Variants in OR5H15 observed in about 807,000 individuals in gnomAD.
OR5H15 encodes the protein olfactory receptor 5H15.
For missense variants in OR5H15, 405 were observed against 366.1 expected, an observed-to-expected ratio of 1.11 and a Z score of -0.87; for synonymous variants, 153 against 129.1, an observed-to-expected ratio of 1.19 and a Z score of -1.26.
Position 98,169,473 on chromosome 3 carries a change from G to T in OR5H15, c.774G>T (p.Met258Ile), listed in dbSNP as rs139826640. 1.2e-6 allele frequency: 2 copies of T among 1,612,840 alleles called. No individual in the cohort carries two copies. Among genetic ancestry groups the T allele is most frequent in the Non-Finnish European group, 8.5e-7 (1 of 1,179,686 alleles). ...VCLYYGPLLLMYVGPASPQAD... is the reference protein window; with the variant it reads ...VCLYYGPLLLIYVGPASPQAD... ...TATACTATGGCCCCCTTCTCTTAAT[G>T]TATGTGGGCCCTGCATCTCCGCAAG... is the stretch of plus-strand genomic sequence containing the variant. Residue 258 changes from methionine (M) to isoleucine (I), a missense_variant, in exon 2 of 2, where the codon ATG becomes ATT. Physicochemically the swap from Met to Ile is conservative, Grantham distance 10. Transcript: ENST00000641450.
chr3:98,169,706 C>G lies in OR5H15; in HGVS notation c.*65C>G. The G allele has an allele frequency of 3.3e-6, 4 of 1,215,374 alleles. No individual in the cohort carries two copies. The Middle Eastern group carries it at 7.5e-4, about 229-fold the overall frequency. The allele number at this position is 1,215,374 out of a possible 1,614,324, so 75.3% of individuals were successfully genotyped here. On this transcript the variant is annotated 3_prime_UTR_variant, in exon 2 of 2. Coordinates refer to ENST00000641450, the MANE Select transcript of OR5H15 (RefSeq NM_001005515.2). The stretch of plus-strand genomic sequence containing the variant: ...CAAGTTAGAGGTACCTATGTTGTTT[C>G]CAGTGTTCAAACATTTTTGCAAGTA...
In OR5H15 at chr3:98,169,451, A is replaced by T; in HGVS notation, c.752A>T (p.Tyr251Phe). 1.9e-6 allele frequency: 3 copies of T among 1,613,520 alleles called. No individual in the cohort carries two copies. Among genetic ancestry groups the T allele is most frequent in the Non-Finnish European group, 2.5e-6 (3 of 1,179,726 alleles). Residue 251 changes from tyrosine to phenylalanine, a missense_variant, in exon 2 of 2, where the codon TAC (tyrosine) becomes TTC (phenylalanine). By Grantham distance (22) the Tyr-to-Phe change is conservative. Transcript: ENST00000641450. Reference protein sequence around the residue: ...CGAHLFSVCLYYGPLLLMYVG... With the variant: ...CGAHLFSVCLFYGPLLLMYVG... The stretch of plus-strand genomic sequence containing the variant: ...GCCCATCTCTTCTCTGTCTGTTTAT[A>T]CTATGGCCCCCTTCTCTTAATGTAT...
At position 98,168,669 on chromosome 3, in the gene OR5H15, C is replaced by T; in HGVS notation, c.-18-13C>T. On this transcript the variant is annotated splice_polypyrimidine_tract_variant and intron_variant, in intron 1 of 1. Coordinates refer to ENST00000641450, the MANE Select transcript of OR5H15 (RefSeq NM_001005515.2). ...TGCAAATCTTCCCTTTCATTTGTTGCATTTTATTTTAGAGGACATGCAGTG... is the reference window on the plus strand; with the variant it reads ...TGCAAATCTTCCCTTTCATTTGTTGTATTTTATTTTAGAGGACATGCAGTG... The T allele has an allele frequency of 1.9e-6, 3 of 1,596,792 alleles. No homozygotes were observed. The East Asian group carries it at 6.7e-5, about 36-fold the overall frequency.
In OR5H15 at chr3:98,168,941, T is replaced by C; in HGVS notation, c.242T>C (p.Met81Thr). Residue 81 changes from methionine (M) to threonine (T), a missense_variant, in exon 2 of 2, where the codon ATG becomes ACG. Transcript: ENST00000641450. ...AWISSTVTPK[M>T]LNNFLAKSKM... ...ATATCATCCACAGTGACCCCAAAGA[T>C]GCTGAATAACTTCTTAGCTAAGAGT... 1 of 1,613,602 alleles carries C rather than the reference T, an allele frequency of 6.2e-7. No individual in the cohort carries two copies. The highest frequency in any genetic ancestry group is 8.5e-7 in the Non-Finnish European group (1 of 1,179,618).
chr3:98,169,109 C>T lies in OR5H15; in HGVS notation c.410C>T (p.Thr137Ile), dbSNP rs1317999153. The change falls in exon 2 of 2, where the codon ACC (threonine) becomes ATC (isoleucine). Residue 137 changes from threonine to isoleucine, a missense_variant. By Grantham distance (89) the Thr-to-Ile change is moderately conservative (BLOSUM62 -1). Coordinates refer to ENST00000641450, the MANE Select transcript of OR5H15 (RefSeq NM_001005515.2). ...CKPLLYPAIM[T>I]NGLCIRLLIL... Reference sequence around the variant, plus strand: ...CCTTTACTTTATCCAGCCATTATGACCAATGGACTGTGCATCCGGCTATTA... The same window carrying T: ...CCTTTACTTTATCCAGCCATTATGATCAATGGACTGTGCATCCGGCTATTA... 31 of 1,613,462 alleles carry T rather than the reference C, an allele frequency of 1.9e-5. No individual in the cohort carries two copies. The highest frequency in any genetic ancestry group is 1.6e-4 in the Middle Eastern group (1 of 6,078).
chr3:98,169,607 A>G lies in OR5H15; in HGVS notation c.908A>G (p.Lys303Arg). 1 of 1,601,510 alleles carries G rather than the reference A, an allele frequency of 6.2e-7. No individual in the cohort carries two copies. The highest frequency in any genetic ancestry group is 8.5e-7 in the Non-Finnish European group (1 of 1,171,298). ...RNKQVIVSFI[K>R]MLKRNVKVSY is the part of the protein sequence containing the mutation. The stretch of plus-strand genomic sequence containing the variant: ...AAGCAAGTCATAGTTTCATTCATAA[A>G]AATGTTAAAAAGAAATGTTAAGGTT... Residue 303 changes from lysine (K) to arginine (R), a missense_variant, in exon 2 of 2, where the codon AAA (lysine) becomes AGA (arginine). Lys to Arg is a conservative substitution (Grantham distance 26, BLOSUM62 2). Transcript: ENST00000641450.
intron 1 of OR5H15, among the ~76,000 whole-genome samples, chr3:98,167,466 CAAG>C (rs1708736417): frequency 1.3e-5 from 2 of 151,396 alleles, no homozygotes; most frequent in Non-Finnish European, 2.9e-5. Context: ...ACTCTAGAGG[CAAG>C]AAGAATGGGA....
At position 98,168,435 on chromosome 3, in the gene OR5H15, T is replaced by C. The variant is rs1330011085; in HGVS notation, c.-18-247T>C. Among the ~76,000 whole-genome samples the C allele has an allele frequency of 2.0e-5, 3 of 152,212 alleles. No homozygotes were observed. The East Asian group carries it at 5.8e-4, about 29-fold the overall frequency. ...TCTACTGCACTCAATAGTGTCCATA[T>C]AAATGTAGTGTATACAGAGAATGCC... On this transcript the variant is annotated intron_variant, in intron 1 of 1. Coordinates refer to ENST00000641450, the MANE Select transcript of OR5H15 (RefSeq NM_001005515.2).
At chr3:98,167,608 TTAATA>T (rs985068160) in intron 1 of OR5H15, among the ~76,000 whole-genome samples, 1 of 152,100 alleles carries the variant, frequency 6.6e-6, no homozygotes, top group African/African-American at 2.4e-5. Flanking sequence ...TGTTAGCTCT[TTAATA>T]TAACCTGCTC....
Position 98,168,923 on chromosome 3 carries a change from C to T in OR5H15, c.224C>T (p.Ser75Phe), listed in dbSNP as rs571656248. Residue 75 changes from serine to phenylalanine, a missense_variant, in exon 2 of 2, where the codon TCC (serine) becomes TTC (phenylalanine). Ser to Phe is a radical substitution (Grantham distance 155). Transcript: ENST00000641450. Reference protein sequence around the residue: ...NLAFVDAWISSTVTPKMLNNF... With the variant: ...NLAFVDAWISFTVTPKMLNNF... ...GCTTTTGTGGATGCTTGGATATCAT[C>T]CACAGTGACCCCAAAGATGCTGAAT... The T allele has an allele frequency of 1.2e-6, 2 of 1,613,376 alleles. No individual in the cohort carries two copies. The highest frequency in any genetic ancestry group is 1.3e-5 in the African/African-American group (1 of 74,982).
At position 98,168,778 on chromosome 3, in the gene OR5H15, C is replaced by A. The variant is rs749354092; in HGVS notation, c.79C>A (p.Leu27Met). 1.9e-6 allele frequency: 3 copies of A among 1,613,518 alleles called. No individual in the cohort carries two copies. The highest frequency in any genetic ancestry group is 2.2e-5 in the South Asian group (2 of 91,072). ...ATATCAACCACAGTGGAAAATACCC[C>A]TGTTCTTGGCATTCTTGGTAATATA... is the stretch of plus-strand genomic sequence containing the variant. ...FLYQPQWKIP[L>M]FLAFLVIYLI... Residue 27 changes from leucine (L) to methionine (M), a missense_variant, in exon 2 of 2, where the codon CTG (leucine) becomes ATG (methionine). Transcript: ENST00000641450.
Position 98,169,211 on chromosome 3 carries a change from C to G in OR5H15, c.512C>G (p.Ser171Cys), listed in dbSNP as rs1327887508. The change falls in exon 2 of 2, where the codon TCC (serine) becomes TGC (cysteine). Residue 171 changes from serine (S) to cysteine (C), a missense_variant. Transcript: ENST00000641450. ...TTATTCAGACTAACCTTCTGTAACTCCAACATAGTACATCACATTTACTGT... is the reference window on the plus strand; with the variant it reads ...TTATTCAGACTAACCTTCTGTAACTGCAACATAGTACATCACATTTACTGT... ...GFLFRLTFCN[S>C]NIVHHIYCDT... 3 of 1,612,258 alleles carry G rather than the reference C, an allele frequency of 1.9e-6. No homozygotes were observed. The highest frequency in any genetic ancestry group is 2.7e-5 in the African/African-American group (2 of 74,880).
chr3:98,168,613 T>A, intron 1 of OR5H15, 69 bp from the exon 2 acceptor site: 1 of 1,535,500 alleles, frequency 6.5e-7, no homozygotes, highest in African/African-American at 1.4e-5. Context: ...TATTTCAACA[T>A]CTCTTCCCCA....
rs62266796 is a variant in OR5H15 at position 98,169,153 on chromosome 3, G to A, written c.454G>A (p.Gly152Ser). ...GCTATTAATCTTGTCATATATAGCT[G>A]GTATTCTTCATGCTTTAATCCATGA... ...IRLLILSYIA[G>S]ILHALIHEGF... The change falls in exon 2 of 2, where the codon GGT becomes AGT. Residue 152 changes from glycine to serine, a missense_variant. Coordinates refer to ENST00000641450, the MANE Select transcript of OR5H15 (RefSeq NM_001005515.2). 171 of 1,613,314 alleles carry A rather than the reference G, an allele frequency of 1.1e-4. No homozygotes were observed. Among genetic ancestry groups the A allele is most frequent in the Non-Finnish European group, 1.4e-4 (168 of 1,179,648 alleles).
chr3:98,168,969 G>A lies in OR5H15; in HGVS notation c.270G>A (p.Lys90=), dbSNP rs1708761839. The part of the protein sequence containing the change: ...KMLNNFLAKS[K]MISLSECKIQ... Reference sequence around the variant, plus strand: ...TGAATAACTTCTTAGCTAAGAGTAAGATGATATCTCTCTCTGAATGCAAGA... The same window carrying A: ...TGAATAACTTCTTAGCTAAGAGTAAAATGATATCTCTCTCTGAATGCAAGA... Residue 90 remains lysine, a synonymous_variant, in exon 2 of 2, where the codon AAG becomes AAA. Coordinates refer to ENST00000641450, the MANE Select transcript of OR5H15 (RefSeq NM_001005515.2). The A allele has an allele frequency of 2.5e-6, 4 of 1,613,584 alleles. No individual in the cohort carries two copies. The South Asian group carries it at 4.4e-5, about 18-fold the overall frequency.
rs1708756739 is a variant in OR5H15 at position 98,168,776 on chromosome 3, C to A, written c.77C>A (p.Pro26His). Residue 26 changes from proline (P) to histidine (H), a missense_variant, in exon 2 of 2, where the codon CCC becomes CAC. Transcript: ENST00000641450. ...GFLYQPQWKI[P>H]LFLAFLVIYL... ...TTATATCAACCACAGTGGAAAATAC[C>A]CCTGTTCTTGGCATTCTTGGTAATA... 6.2e-7 allele frequency: 1 copy of A among 1,613,254 alleles called. No individual in the cohort carries two copies. Among genetic ancestry groups the A allele is most frequent in the Admixed American group, 1.7e-5 (1 of 59,928 alleles).
At position 98,169,475 on chromosome 3, in the gene OR5H15, A is replaced by T; in HGVS notation, c.776A>T (p.Tyr259Phe). 6.2e-7 allele frequency: 1 copy of T among 1,612,820 alleles called. No individual in the cohort carries two copies. Among genetic ancestry groups the T allele is most frequent in the African/African-American group, 1.3e-5 (1 of 74,354 alleles). Reference protein sequence around the residue: ...CLYYGPLLLMYVGPASPQADG... With the variant: ...CLYYGPLLLMFVGPASPQADG... ...TACTATGGCCCCCTTCTCTTAATGT[A>T]TGTGGGCCCTGCATCTCCGCAAGCA... The change falls in exon 2 of 2, where the codon TAT becomes TTT. Residue 259 changes from tyrosine to phenylalanine, a missense_variant. By Grantham distance (22) the Tyr-to-Phe change is conservative. Transcript: ENST00000641450.
chr3:98,167,074 CTT>C (rs971781796), intron 1 of OR5H15, among the ~76,000 whole-genome samples: 1 of 151,962 alleles, frequency 6.6e-6, no homozygotes. Context: ...ATTATAATGA[CTT>C]TGTATGAACT....
chr3:98,169,160 T>G lies in OR5H15; in HGVS notation c.461T>G (p.Leu154Arg). The G allele has an allele frequency of 2.5e-6, 4 of 1,613,580 alleles. No homozygotes were observed. The highest frequency in any genetic ancestry group is 2.5e-6 in the Non-Finnish European group (3 of 1,179,672). Reference sequence around the variant, plus strand: ...ATCTTGTCATATATAGCTGGTATTCTTCATGCTTTAATCCATGAAGGATTT... The same window carrying G: ...ATCTTGTCATATATAGCTGGTATTCGTCATGCTTTAATCCATGAAGGATTT... ...LLILSYIAGILHALIHEGFLF... is the reference protein window; with the variant it reads ...LLILSYIAGIRHALIHEGFLF... The change falls in exon 2 of 2, where the codon CTT becomes CGT. Residue 154 changes from leucine (L) to arginine (R), a missense_variant. Physicochemically the swap from Leu to Arg is moderately radical, Grantham distance 102. Coordinates refer to ENST00000641450, the MANE Select transcript of OR5H15 (RefSeq NM_001005515.2).
Sources: gnomAD v4.1 joint callset for allele counts (sites outside exome capture counted in the v4.1 genomes callset) on GRCh38, gnomAD v4.1.1 for gene constraint, MANE v1.5 for transcripts, NCBI Gene and HGNC (gene_info 2026-07-23, HGNC 2026-07-21) for gene names.